Variants in FLT1 observed in about 807,000 individuals in gnomAD.
The protein encoded by FLT1 is vascular endothelial growth factor receptor 1.
Under a neutral mutation model 156.3 loss-of-function variants are expected in FLT1, and 49 were observed. That is an observed-to-expected ratio of 0.31 (90% confidence interval 0.25 to 0.40). The LOEUF is 0.40. Ranked by LOEUF, FLT1 falls within the 10% of genes least tolerant of loss-of-function variation. FLT1 has a pLI of 1.00. For synonymous variants in FLT1, 594 were observed against 583.8 expected (o/e 1.02, Z -0.25); for missense variants, 1,322 against 1,637.2 (o/e 0.81, Z 3.32).
intron 18 of FLT1, among the ~76,000 whole-genome samples, chr13:28,331,591 C>T (rs567277688): frequency 7.2e-5 from 11 of 152,192 alleles, no homozygotes; most frequent in South Asian, 2.1e-4. Context: ...CCACCACGCC[C>T]GGCTAATTTT....
rs146170931 is a variant in FLT1, at chr13:28,384,967, G to C, written c.2034C>G (p.Thr678=). ...SDHTVAISSS[T]TLDCHANGVP... ...CACCATTAGCATGACAGTCTAAAGT[G>C]GTGGAACTGCTGATGGCCACTGTGT... The change falls in exon 14 of 30, where the codon ACC becomes ACG. Residue 678 remains threonine (T), a synonymous_variant. Transcript: ENST00000282397. The C allele has an allele frequency of 2.7e-5, 44 of 1,613,910 alleles. No individual in the cohort carries two copies. The African/African-American group carries it at 4.4e-4, about 16-fold the overall frequency.
chr13:28,404,306 A>T (rs1195129180), intron 11 of FLT1, among the ~76,000 whole-genome samples: 1 of 152,198 alleles, frequency 6.6e-6, no homozygotes, highest in Non-Finnish European at 1.5e-5. Flanking sequence ...TAATTTCTAC[A>T]GTGGCTTACT....
At chr13:28,442,886 A>G (rs1157726273) in intron 3 of FLT1, among the ~76,000 whole-genome samples, 1 of 152,258 alleles carries the variant, frequency 6.6e-6, no homozygotes, top group Non-Finnish European at 1.5e-5. Flanking sequence ...TCACGGTTCC[A>G]TTAATATCAC....
At chr13:28,459,990 G>A (rs1357962484) in intron 3 of FLT1, among the ~76,000 whole-genome samples, 1 of 152,242 alleles carries the variant, frequency 6.6e-6, no homozygotes, top group East Asian at 1.9e-4. Flanking sequence ...GGCAAGGCTC[G>A]GCGATGAAGC....
At chr13:28,461,894 G>A (rs1209559491) in intron 3 of FLT1, among the ~76,000 whole-genome samples, 1 of 152,118 alleles carries the variant, frequency 6.6e-6, no homozygotes, top group Non-Finnish European at 1.5e-5. Flanking sequence ...ATCAACTGCG[G>A]AAAAATTTCT....
chr13:28,428,598 C>T (rs1182500923), intron 8 of FLT1, among the ~76,000 whole-genome samples: 1 of 152,196 alleles, frequency 6.6e-6, no homozygotes, highest in Non-Finnish European at 1.5e-5. Flanking sequence ...GGTGCTTGAC[C>T]TGGCTCTGCT....
intron 1 of FLT1, among the ~76,000 whole-genome samples, chr13:28,469,955 T>C (rs1470300053): frequency 6.6e-6 from 1 of 152,088 alleles, no homozygotes; most frequent in Non-Finnish European, 1.5e-5. Context: ...GGTTTCGTCA[T>C]GTTTGCCAGG....
At chr13:28,361,372 T>C (rs188657260) in intron 14 of FLT1, among the ~76,000 whole-genome samples, 122 of 152,268 alleles carry the variant, frequency 8.0e-4, no homozygotes, top group African/African-American at 2.7e-3. Context: ...CTTTCTAAAG[T>C]GTACTTTCTG....
At chr13:28,313,013 C>CT in intron 25 of FLT1, among the ~76,000 whole-genome samples, 1 of 151,496 alleles carries the variant, frequency 6.6e-6, no homozygotes, top group East Asian at 1.9e-4. Context: ...GAGTCTCACT[C>CT]TGTCATCCAG....
At chr13:28,427,345 G>A (rs1482510667) in intron 9 of FLT1, 27 bp from the exon 10 acceptor site, 1 of 1,611,404 alleles carries the variant, frequency 6.2e-7, no homozygotes, top group African/African-American at 1.3e-5. Context: ...GAACGGGACA[G>A]AAGTCAAGAG....
intron 12 of FLT1, among the ~76,000 whole-genome samples, chr13:28,395,703 T>G (rs924772662): frequency 2.6e-5 from 4 of 152,246 alleles, no homozygotes; most frequent in Non-Finnish European, 5.9e-5. Flanking sequence ...ACATTACCTC[T>G]GCACATAAAT....
chr13:28,445,992 T>C (rs1333826362), intron 3 of FLT1, among the ~76,000 whole-genome samples: 3 of 152,038 alleles, frequency 2.0e-5, no homozygotes, highest in African/African-American at 7.2e-5. Context: ...GAATGCAAGA[T>C]TGGTTTAACA....
chr13:28,473,697 G>T (rs76796564), intron 1 of FLT1, among the ~76,000 whole-genome samples: 1 of 114,554 alleles, frequency 8.7e-6, no homozygotes, highest in Admixed American at 9.2e-5. Context: ...GAGAGAGAAA[G>T]AAAAGAAAGA....
chr13:28,482,133 T>C (rs979455076), intron 1 of FLT1, among the ~76,000 whole-genome samples: 3 of 152,210 alleles, frequency 2.0e-5, no homozygotes, highest in South Asian at 2.1e-4. Context: ...ATATGGCTCA[T>C]GTTTTTCCTC....
At chr13:28,340,756 CCTT>C (rs1872302992) in intron 16 of FLT1, among the ~76,000 whole-genome samples, 1 of 152,338 alleles carries the variant, frequency 6.6e-6, no homozygotes, top group South Asian at 2.1e-4. Flanking sequence ...AAATCATTCT[CCTT>C]CTCACAAAAA....
chr13:28,459,518 G>A (rs1313115943), intron 3 of FLT1, among the ~76,000 whole-genome samples: 2 of 152,222 alleles, frequency 1.3e-5, no homozygotes, highest in East Asian at 3.8e-4. Context: ...AGGTGGAGGA[G>A]AGAATGAGGC....
At position 28,385,035 on chromosome 13, in the gene FLT1, G is replaced by A. The variant is rs761684585; in HGVS notation, c.1970-4C>T. 6.2e-7 allele frequency: 1 copy of A among 1,614,036 alleles called. No homozygotes were observed. The highest frequency in any genetic ancestry group is 8.5e-7 in the Non-Finnish European group (1 of 1,179,904). ...AGGAGGTATGGTGCTTCCTGATCTA[G>A]TGAAGAAAGAAAGGGAGCTGTGATT... is the stretch of plus-strand genomic sequence containing the variant. On this transcript the variant is annotated splice_region_variant and splice_polypyrimidine_tract_variant and intron_variant, in intron 13 of 29. Coordinates refer to ENST00000282397, the MANE Select transcript of FLT1 (RefSeq NM_002019.4).
chr13:28,339,208 A>T lies in FLT1; in HGVS notation c.2448T>A (p.Asp816Glu). 1 of 1,614,176 alleles carries T rather than the reference A, an allele frequency of 6.2e-7. No individual in the cohort carries two copies. Among genetic ancestry groups the T allele is most frequent in the Non-Finnish European group, 8.5e-7 (1 of 1,180,018 alleles). Residue 816 changes from aspartate to glutamate, a missense_variant, in exon 17 of 30, where the codon GAT (aspartate) becomes GAA (glutamate). By Grantham distance (45) the Asp-to-Glu change is conservative (BLOSUM62 2). Around this residue, in one of 3 missense-constraint regions of FLT1, gnomAD observed 991 missense variants for 1,254.8 expected, o/e 0.79. Coordinates refer to ENST00000282397, the MANE Select transcript of FLT1 (RefSeq NM_002019.4). ...CCCGGGCAAACTCCCACTTGCTGGC[A>T]TCATAAGGGAGCCGCTCACACTGCT... ...LDEQCERLPY[D>E]ASKWEFARER...
At chr13:28,492,461 TTTCCC>T (rs1881523221) in intron 1 of FLT1, among the ~76,000 whole-genome samples, 3 of 152,222 alleles carry the variant, frequency 2.0e-5, no homozygotes, top group African/African-American at 4.8e-5. Flanking sequence ...CATCTTTTTA[TTTCCC>T]AGAATGTCTG....
Sources: gnomAD v4.1 joint callset for allele counts (sites outside exome capture counted in the v4.1 genomes callset) on GRCh38, gnomAD v4.1.1 for gene constraint, gnomAD v4.1.1 regional missense constraint, MANE v1.5 for transcripts, NCBI Gene and HGNC (gene_info 2026-07-23, HGNC 2026-07-21) for gene names.